Variants in AKAP6 observed in about 807,000 individuals in gnomAD.
AKAP6 encodes the protein A-kinase anchoring protein 6.
AKAP6 carries 58 observed loss-of-function variants against 188.5 expected under a neutral mutation model. The ratio of observed to expected loss-of-function variants is 0.31; its 90% CI spans 0.25 to 0.38. AKAP6 has a LOEUF of 0.38. Among genes scored for constraint, AKAP6 ranks in the 10% least tolerant of loss-of-function variants. AKAP6 has a pLI of 1.00. For synonymous variants in AKAP6, 989 were observed against 998.6 expected (o/e 0.99, Z 0.18); for missense variants, 2,710 against 2,740.0 (o/e 0.99, Z 0.24).
chr14:32,539,834 C>T (rs1348917255), intron 3 of AKAP6, among the ~76,000 whole-genome samples: 2 of 152,048 alleles, frequency 1.3e-5, no homozygotes, highest in African/African-American at 2.4e-5. Context: ...AGAATCCCAA[C>T]GTGGTAGGGC....
Position 32,354,608 on chromosome 14 carries a change from G to A in AKAP6, c.-35+25200G>A, listed in dbSNP as rs953541434. Among the ~76,000 whole-genome samples the A allele has an allele frequency of 3.3e-5, 5 of 152,154 alleles. No individual in the cohort carries two copies. The South Asian group carries it at 6.2e-4, about 19-fold the overall frequency. On this transcript the variant is annotated intron_variant, in intron 1 of 13. Transcript: ENST00000280979. ...ATTGCTCTGGCTCTTTCCTCTATCT[G>A]TAAGTATGCTCAAATCTTTCTTTCA... is the stretch of plus-strand genomic sequence containing the variant.
intron 12 of AKAP6, among the ~76,000 whole-genome samples, chr14:32,775,432 CCT>C (rs1491314956): frequency 2.7e-5 from 4 of 146,460 alleles, no homozygotes; most frequent in Non-Finnish European, 4.5e-5. Flanking sequence ...ACATTTTTAT[CCT>C]TTTTTTTTTT....
intron 7 of AKAP6, among the ~76,000 whole-genome samples, chr14:32,608,249 G>A (rs907196788): frequency 1.3e-5 from 2 of 152,146 alleles, no homozygotes; most frequent in Admixed American, 1.3e-4. Context: ...GCTCATGCCT[G>A]TAATCCCAGC....
chr14:32,553,120 T>G (rs1361116651), intron 4 of AKAP6, among the ~76,000 whole-genome samples: 1 of 152,182 alleles, frequency 6.6e-6, no homozygotes, highest in Non-Finnish European at 1.5e-5. Flanking sequence ...AGACTAATTT[T>G]GTAAAACAAA....
At chr14:32,465,663 T>C (rs1878371418) in intron 2 of AKAP6, among the ~76,000 whole-genome samples, 1 of 151,988 alleles carries the variant, frequency 6.6e-6, no homozygotes, top group South Asian at 2.1e-4. Flanking sequence ...ATTCAGAACA[T>C]AGGCTTGGGC....
Position 32,835,521 on chromosome 14 carries a change from T to C in AKAP6, c.*5716T>C, listed in dbSNP as rs559548775. 1.2e-4 allele frequency: 18 copies of C among 152,350 alleles called. No homozygotes were observed. The South Asian group carries it at 3.5e-3, about 30-fold the overall frequency. The allele number at this position is 152,350 out of a possible 1,614,324, so 9.4% of individuals were successfully genotyped here. The stretch of plus-strand genomic sequence containing the variant: ...CATGCACCAGTAAACTGGAATCCTT[T>C]CTTTAAATGTTTTTCTAAAGCAATC... On this transcript the variant is annotated 3_prime_UTR_variant, in exon 14 of 14. Transcript: ENST00000280979.
At chr14:32,615,741 G>A (rs1057480437) in intron 7 of AKAP6, among the ~76,000 whole-genome samples, 8 of 151,678 alleles carry the variant, frequency 5.3e-5, no homozygotes, top group South Asian at 2.1e-4. Flanking sequence ...GACTACAGGC[G>A]CCCGCCACCA....
At chr14:32,409,496 ATCT>A (rs1889410034) in intron 1 of AKAP6, among the ~76,000 whole-genome samples, 1 of 152,294 alleles carries the variant, frequency 6.6e-6, no homozygotes, top group Middle Eastern at 3.4e-3. Flanking sequence ...CAACTGAACC[ATCT>A]TCTTCAAAAA....
chr14:32,655,757 G>A (rs1888427039), intron 7 of AKAP6, among the ~76,000 whole-genome samples: 1 of 152,156 alleles, frequency 6.6e-6, no homozygotes, highest in African/African-American at 2.4e-5. Context: ...ATTGCCTGGG[G>A]AAGATGGTTA....
intron 8 of AKAP6, among the ~76,000 whole-genome samples, chr14:32,683,579 G>A (rs1453655689): frequency 2.6e-5 from 4 of 152,176 alleles, no homozygotes; most frequent in Non-Finnish European, 5.9e-5. Flanking sequence ...TGCAGGCTGT[G>A]TTAGGCACTG....
At chr14:32,791,334 A>G (rs1268716441) in intron 12 of AKAP6, among the ~76,000 whole-genome samples, 1 of 152,132 alleles carries the variant, frequency 6.6e-6, no homozygotes, top group African/African-American at 2.4e-5. Context: ...ATGGTATCTC[A>G]TTGTGGTTTT....
In AKAP6 at chr14:32,545,939, T is replaced by C; in HGVS notation, c.1286T>C (p.Val429Ala). ...ATGAGCAGAAGCACCCCTTCGCTAG[T>C]AGATCCTCCTGACAGATCCAAACTT... ...PEMSRSTPSL[V>A]DPPDRSKLCL... The change falls in exon 4 of 14, where the codon GTA becomes GCA. Residue 429 changes from valine (V) to alanine (A), a missense_variant. Coordinates refer to ENST00000280979, the MANE Select transcript of AKAP6 (RefSeq NM_004274.5). 2 of 1,614,202 alleles carry C rather than the reference T, an allele frequency of 1.2e-6. No homozygotes were observed. Among genetic ancestry groups the C allele is most frequent in the Admixed American group, 1.7e-5 (1 of 60,014 alleles).
intron 9 of AKAP6, among the ~76,000 whole-genome samples, chr14:32,706,493 A>G (rs555527771): frequency 6.6e-6 from 1 of 152,162 alleles, no homozygotes; most frequent in Admixed American, 6.6e-5. Context: ...TTGCCCTCAG[A>G]TGATTCAACC....
intron 2 of AKAP6, among the ~76,000 whole-genome samples, chr14:32,453,597 TTTTTTTTTTTTTTTTTTG>T (rs1891012490): frequency 5.3e-5 from 4 of 75,518 alleles, no homozygotes; most frequent in Non-Finnish European, 7.3e-5. Context: ...TTTTTTTTTT[TTTTTTTTTTTTTTTTTTG>T]AGACGGAGTC....
chr14:32,396,299 A>C (rs1888877576), intron 1 of AKAP6, among the ~76,000 whole-genome samples: 1 of 152,180 alleles, frequency 6.6e-6, no homozygotes, highest in South Asian at 2.1e-4. Flanking sequence ...CTGCCATGTC[A>C]AGAGCAGATG....
At chr14:32,542,783 G>C (rs1197001922) in intron 3 of AKAP6, among the ~76,000 whole-genome samples, 1 of 152,190 alleles carries the variant, frequency 6.6e-6, no homozygotes, top group Non-Finnish European at 1.5e-5. Context: ...CCTTGAAAGG[G>C]TTTTGGTTGT....
intron 11 of AKAP6, among the ~76,000 whole-genome samples, chr14:32,765,065 G>C (rs892430979): frequency 6.6e-6 from 1 of 151,438 alleles, no homozygotes; most frequent in Non-Finnish European, 1.5e-5. Context: ...CTCCTGAGTA[G>C]CTGGGATTAC....
chr14:32,664,087 T>A (rs1221456289), intron 7 of AKAP6, among the ~76,000 whole-genome samples: 2 of 152,080 alleles, frequency 1.3e-5, no homozygotes, highest in Non-Finnish European at 2.9e-5. Flanking sequence ...AGGATATCAT[T>A]TTGCTTAACC....
At chr14:32,511,972 A>G (rs528448353) in intron 2 of AKAP6, among the ~76,000 whole-genome samples, 4 of 152,290 alleles carry the variant, frequency 2.6e-5, no homozygotes, top group African/African-American at 9.6e-5. Context: ...ACATAGTCTT[A>G]TGCATATTTT....
Sources: allele counts gnomAD v4.1 joint callset (sites outside exome capture counted in the v4.1 genomes callset), GRCh38; gene constraint gnomAD v4.1.1; transcripts MANE v1.5; gene names NCBI Gene and HGNC (gene_info 2026-07-23, HGNC 2026-07-21).